The following PPARGC1A variants were observed in gnomAD, a reference collection of about 807,000 sequenced individuals.
The protein encoded by PPARGC1A is peroxisome proliferator-activated receptor gamma coactivator 1-alpha.
Under a neutral mutation model 88.7 loss-of-function variants are expected in PPARGC1A, and 25 were observed. The ratio of observed to expected loss-of-function variants is 0.28; its 90% CI spans 0.21 to 0.39. PPARGC1A has a LOEUF of 0.39. Ranked by LOEUF, PPARGC1A falls within the 10% of genes least tolerant of loss-of-function variation. PPARGC1A has a pLI of 1.00. For synonymous variants in PPARGC1A, 363 were observed against 355.6 expected (o/e 1.02, Z -0.24); for missense variants, 880 against 968.7 (o/e 0.91, Z 1.22).
In PPARGC1A at chr4:23,795,762, A is replaced by G; in HGVS notation, c.*60T>C. ...TATGACTTGCAATAGTCTTTAGGGA[A>G]GGACGCGCTGTCCCATGAGGTATTC... On this transcript the variant is annotated 3_prime_UTR_variant, in exon 13 of 13. Transcript: ENST00000264867. The G allele has an allele frequency of 7.6e-7, 1 of 1,319,878 alleles. No individual in the cohort carries two copies. Among genetic ancestry groups the G allele is most frequent in the South Asian group, 1.3e-5 (1 of 77,874 alleles). 81.8% of individuals were successfully genotyped at this position (1,319,878 alleles called of 1,614,324 possible).
chr4:23,898,058 A>C (rs933947168), intron 1 of PPARGC1A, among the ~76,000 whole-genome samples: 2 of 152,244 alleles, frequency 1.3e-5, no homozygotes, highest in African/African-American at 4.8e-5. Context: ...GGTCTACAGC[A>C]GCTAAGGAAA....
At chr4:23,979,630 G>C in the PPARGC1A span, among the ~76,000 whole-genome samples, 16 of 152,286 alleles carry the variant, frequency 1.1e-4, no homozygotes, top group Middle Eastern at 6.8e-3. Flanking sequence ...GGAGACAGCA[G>C]AGCAACTTAA....
chr4:24,181,264 C>T, the PPARGC1A span, among the ~76,000 whole-genome samples: 32 of 152,262 alleles, frequency 2.1e-4, no homozygotes, highest in African/African-American at 7.0e-4. Context: ...TGTGTTACAG[C>T]GAAAAACACA....
the PPARGC1A span, among the ~76,000 whole-genome samples, chr4:24,136,286 T>G: frequency 6.6e-6 from 1 of 152,198 alleles, no homozygotes. Flanking sequence ...AATAAGTCCA[T>G]TTGCCATTTA....
the PPARGC1A span, among the ~76,000 whole-genome samples, chr4:24,190,579 CA>C: frequency 3.9e-5 from 6 of 152,102 alleles, no homozygotes; most frequent in Admixed American, 6.5e-5. Flanking sequence ...TGAATCCCCA[CA>C]AACTCCCAGG....
the PPARGC1A span, among the ~76,000 whole-genome samples, chr4:24,415,633 A>G: frequency 6.6e-6 from 1 of 152,214 alleles, no homozygotes; most frequent in Non-Finnish European, 1.5e-5. Flanking sequence ...TGTTGCCAGA[A>G]CACTGAGAAA....
At chr4:24,007,722 G>A in the PPARGC1A span, among the ~76,000 whole-genome samples, 1 of 152,138 alleles carries the variant, frequency 6.6e-6, no homozygotes, top group Non-Finnish European at 1.5e-5. Flanking sequence ...ACCATGGCAG[G>A]GCTCTGTCTT....
At chr4:24,360,096 C>A in the PPARGC1A span, among the ~76,000 whole-genome samples, 66 of 152,188 alleles carry the variant, frequency 4.3e-4, 1 homozygote, top group Middle Eastern at 0.014. Flanking sequence ...TGAAATACAT[C>A]CAGAATCTCA....
chr4:24,352,920 G>A, the PPARGC1A span, among the ~76,000 whole-genome samples: 2 of 152,132 alleles, frequency 1.3e-5, no homozygotes, highest in Non-Finnish European at 2.9e-5. Context: ...CCTGTCTGGA[G>A]TTCCCTACCA....
chr4:24,303,049 C>T, the PPARGC1A span, among the ~76,000 whole-genome samples: 1 of 152,148 alleles, frequency 6.6e-6, no homozygotes, highest in East Asian at 1.9e-4. Context: ...AACCCAGACC[C>T]CTGTGTGGAA....
the PPARGC1A span, among the ~76,000 whole-genome samples, chr4:24,380,109 GTTT>G: frequency 6.7e-6 from 1 of 148,946 alleles, no homozygotes; most frequent in African/African-American, 2.5e-5. Context: ...AAAATATATA[GTTT>G]TTTTTTTAAT....
At chr4:23,915,930 C>T in the PPARGC1A span, among the ~76,000 whole-genome samples, 1 of 152,200 alleles carries the variant, frequency 6.6e-6, no homozygotes, top group Admixed American at 6.5e-5. Flanking sequence ...TATCAGGCAG[C>T]ATGGCATAAC....
At chr4:24,112,869 C>T in the PPARGC1A span, among the ~76,000 whole-genome samples, 1 of 152,118 alleles carries the variant, frequency 6.6e-6, no homozygotes, top group Non-Finnish European at 1.5e-5. Context: ...TCAGAGACCA[C>T]GCTATGGCTA....
chr4:24,461,741 A>C, the PPARGC1A span, among the ~76,000 whole-genome samples: 1 of 151,956 alleles, frequency 6.6e-6, no homozygotes, highest in East Asian at 1.9e-4. Context: ...ATTTAAAAAA[A>C]CTCTCGGCAG....
chr4:23,959,190 C>T, the PPARGC1A span, among the ~76,000 whole-genome samples: 4 of 152,036 alleles, frequency 2.6e-5, no homozygotes, highest in African/African-American at 9.7e-5. Context: ...CGGCATTGCC[C>T]ACCATATGGT....
the PPARGC1A span, among the ~76,000 whole-genome samples, chr4:24,420,719 A>G: frequency 6.6e-6 from 1 of 151,944 alleles, no homozygotes; most frequent in East Asian, 1.9e-4. Context: ...CTCCCCTACC[A>G]CTTGGCACAT....
At chr4:24,112,708 C>A in the PPARGC1A span, among the ~76,000 whole-genome samples, 1 of 152,228 alleles carries the variant, frequency 6.6e-6, no homozygotes. Context: ...ACCCTGGATG[C>A]ATCACTTGAA....
At chr4:23,907,856 G>T (rs2148895145), upstream of PPARGC1A, among the ~76,000 whole-genome samples, 1 of 152,222 alleles carries the variant, frequency 6.6e-6, no homozygotes, top group Middle Eastern at 3.4e-3. Flanking sequence ...CATGAAGTGG[G>T]CGTTGGGACT....
chr4:24,123,571 A>T, the PPARGC1A span, among the ~76,000 whole-genome samples: 4 of 151,862 alleles, frequency 2.6e-5, no homozygotes, highest in African/African-American at 7.3e-5. Context: ...GACTGAGGTT[A>T]AAAAAAAGGA....
Sources: gnomAD v4.1 joint callset for allele counts (sites outside exome capture counted in the v4.1 genomes callset) on GRCh38, gnomAD v4.1.1 for gene constraint, MANE v1.5 for transcripts, NCBI Gene and HGNC (gene_info 2026-07-23, HGNC 2026-07-21) for gene names.